Variants in THEMIS observed in about 807,000 individuals in gnomAD.
THEMIS encodes protein THEMIS.
THEMIS carries 37 observed loss-of-function variants against 52.6 expected under a neutral mutation model. The ratio of observed to expected loss-of-function variants is 0.70; its 90% confidence interval spans 0.54 to 0.93. The LOEUF is 0.93. Among genes scored for constraint, THEMIS ranks in the 40% least tolerant of loss-of-function variants. The pLI, the probability that THEMIS is intolerant of heterozygous loss-of-function variation, is 0.00. For missense variants in THEMIS, 808 were observed against 763.1 expected, an observed-to-expected ratio of 1.06 and a Z score of -0.69; for synonymous variants, 292 against 272.7, an observed-to-expected ratio of 1.07 and a Z score of -0.70.
At chr6:127,915,235 T>C (rs1781496155) in intron 1 of THEMIS, among the ~76,000 whole-genome samples, 2 of 108,168 alleles carry the variant, frequency 1.8e-5, no homozygotes, top group African/African-American at 5.9e-5. Flanking sequence ...ATGATGACAG[T>C]ATAGTATCAT....
chr6:127,815,052 G>T (rs1159981233), intron 3 of THEMIS, among the ~76,000 whole-genome samples: 3 of 152,236 alleles, frequency 2.0e-5, no homozygotes, highest in South Asian at 4.1e-4. Flanking sequence ...TCAGGAGACT[G>T]AGGTGGGAAG....
At chr6:127,856,006 A>T (rs1049597325) in intron 1 of THEMIS, among the ~76,000 whole-genome samples, 2 of 152,010 alleles carry the variant, frequency 1.3e-5, no homozygotes, top group East Asian at 3.9e-4. Context: ...TATCTCTGGC[A>T]TATTATTGCT....
intron 2 of THEMIS, among the ~76,000 whole-genome samples, chr6:127,849,508 A>C (rs1042525294): frequency 6.6e-6 from 1 of 151,952 alleles, no homozygotes; most frequent in African/African-American, 2.4e-5. Context: ...ACAAGGCTAT[A>C]GTCACCAAAA....
intron 4 of THEMIS, among the ~76,000 whole-genome samples, chr6:127,782,286 C>A (rs1419676415): frequency 6.6e-6 from 1 of 152,142 alleles, no homozygotes; most frequent in Non-Finnish European, 1.5e-5. Context: ...TGGCTTCAGC[C>A]CTCATTCCAG....
chr6:127,893,171 A>G (rs935149448), intron 1 of THEMIS, among the ~76,000 whole-genome samples: 1 of 151,962 alleles, frequency 6.6e-6, no homozygotes, highest in Non-Finnish European at 1.5e-5. Context: ...GTTTCTTTAA[A>G]TGGTTTTATT....
chr6:127,909,656 A>G (rs1781362344), intron 1 of THEMIS, among the ~76,000 whole-genome samples: 1 of 152,108 alleles, frequency 6.6e-6, no homozygotes, highest in Non-Finnish European at 1.5e-5. Context: ...GCTTTGTAAT[A>G]TTAACAGTAT....
chr6:127,700,634 A>T, the THEMIS span, among the ~76,000 whole-genome samples: 1 of 152,046 alleles, frequency 6.6e-6, no homozygotes, highest in East Asian at 1.9e-4. Context: ...AATATTTATG[A>T]GATCATCCCA....
chr6:127,784,221 C>A (rs1776845436), intron 4 of THEMIS, among the ~76,000 whole-genome samples: 1 of 152,134 alleles, frequency 6.6e-6, no homozygotes, highest in Non-Finnish European at 1.5e-5. Flanking sequence ...GAACATCACA[C>A]ACCAGGGCCT....
chr6:127,821,074 A>G (rs982299100), intron 3 of THEMIS, among the ~76,000 whole-genome samples: 5 of 151,942 alleles, frequency 3.3e-5, no homozygotes, highest in African/African-American at 1.2e-4. Flanking sequence ...AGAGAGGAAA[A>G]ACAATTAGAA....
intron 4 of THEMIS, among the ~76,000 whole-genome samples, chr6:127,757,618 G>A (rs1336168532): frequency 6.6e-6 from 1 of 152,226 alleles, no homozygotes; most frequent in South Asian, 2.1e-4. Flanking sequence ...GATTAGCTGG[G>A]ACTACAGGCG....
chr6:127,714,553 T>C (rs1236902395), intron 5 of THEMIS, among the ~76,000 whole-genome samples: 1 of 151,904 alleles, frequency 6.6e-6, no homozygotes, highest in African/African-American at 2.4e-5. Flanking sequence ...ATCCCAAGAA[T>C]ATGTATTTTT....
chr6:127,874,221 T>TG (rs1269045110), intron 1 of THEMIS, among the ~76,000 whole-genome samples: 12 of 152,186 alleles, frequency 7.9e-5, no homozygotes, highest in African/African-American at 2.9e-4. Context: ...TTCCAACACT[T>TG]GAGCTCATCA....
intron 2 of THEMIS, among the ~76,000 whole-genome samples, chr6:127,839,984 G>A (rs866607952): frequency 1.3e-5 from 2 of 151,994 alleles, no homozygotes; most frequent in South Asian, 4.1e-4. Context: ...TTAATCAGGT[G>A]AATGTTGTTA....
At chr6:127,782,969 T>G (rs1261732789) in intron 4 of THEMIS, among the ~76,000 whole-genome samples, 1 of 152,118 alleles carries the variant, frequency 6.6e-6, no homozygotes, top group South Asian at 2.1e-4. Flanking sequence ...GGAGGTATGA[T>G]GCTACCTGAC....
chr6:127,744,704 A>G (rs903092583), intron 4 of THEMIS, among the ~76,000 whole-genome samples: 3 of 152,024 alleles, frequency 2.0e-5, no homozygotes, highest in Non-Finnish European at 2.9e-5. Context: ...TGTTCAATGA[A>G]TATAAAGTTA....
chr6:127,902,735 G>C (rs1032194055), upstream of THEMIS, among the ~76,000 whole-genome samples: 11 of 151,884 alleles, frequency 7.2e-5, no homozygotes, highest in African/African-American at 2.4e-4. Context: ...TCCTACCCTT[G>C]ATCTGTCTGC....
intron 4 of THEMIS, among the ~76,000 whole-genome samples, chr6:127,754,224 CTT>C (rs1457773426): frequency 6.6e-6 from 1 of 152,118 alleles, no homozygotes; most frequent in African/African-American, 2.4e-5. Context: ...CTTTTGGAGA[CTT>C]TTTCTACAAA....
At chr6:127,893,255 A>T (rs1464879918) in intron 1 of THEMIS, among the ~76,000 whole-genome samples, 1 of 152,104 alleles carries the variant, frequency 6.6e-6, no homozygotes, top group Admixed American at 6.6e-5. Flanking sequence ...GAAAAATTCA[A>T]ATCAGTTTTG....
At chr6:127,862,219 G>C (rs1423736747) in intron 1 of THEMIS, among the ~76,000 whole-genome samples, 1 of 152,064 alleles carries the variant, frequency 6.6e-6, no homozygotes, top group Non-Finnish European at 1.5e-5. Flanking sequence ...CAGCCTGAGT[G>C]CCCTAGCTAA....
Sources: gnomAD v4.1 joint callset for allele counts (sites outside exome capture counted in the v4.1 genomes callset) on GRCh38, gnomAD v4.1.1 for gene constraint, MANE v1.5 for transcripts, NCBI Gene and HGNC (gene_info 2026-07-23, HGNC 2026-07-21) for gene names.